The following GARNL3 variants were observed in gnomAD, a reference collection of about 807,000 sequenced individuals.
The protein encoded by GARNL3 is GTPase-activating Rap/Ran-GAP domain-like protein 3.
A neutral mutation model predicts 125.0 loss-of-function variants in GARNL3; 63 were observed. That is an observed-to-expected ratio of 0.50 (90% CI 0.41 to 0.62). The LOEUF (loss-of-function observed/expected upper bound fraction) is 0.62, where lower values mean the gene tolerates loss of function less well. Among genes scored for constraint, GARNL3 ranks in the 20% least tolerant of loss-of-function variants. The pLI is 0.00. For synonymous variants in GARNL3, 439 were observed against 457.5 expected (o/e 0.96, Z 0.52); for missense variants, 994 against 1,244.0 (o/e 0.80, Z 3.02).
intron 6 of GARNL3, among the ~76,000 whole-genome samples, chr9:127,324,722 A>T (rs2065511981): frequency 6.6e-6 from 1 of 152,230 alleles, no homozygotes; most frequent in African/African-American, 2.4e-5. Context: ...GCTGACAGTG[A>T]TCTTCACAGG....
chr9:127,361,552 A>G, intron 21 of GARNL3, among the ~76,000 whole-genome samples: 1 of 152,224 alleles, frequency 6.6e-6, no homozygotes, highest in Non-Finnish European at 1.5e-5. Context: ...ATCAAAGCAT[A>G]AAATAGATCT....
chr9:127,303,465 G>A (rs1381691423), intron 2 of GARNL3, among the ~76,000 whole-genome samples: 2 of 152,058 alleles, frequency 1.3e-5, no homozygotes, highest in Non-Finnish European at 2.9e-5. Context: ...GAAAGAAAAA[G>A]ATTTTAACCT....
chr9:127,264,579 A>T, upstream of GARNL3: 2 of 1,063,210 alleles, frequency 1.9e-6, no homozygotes, highest in Non-Finnish European at 2.3e-6. Flanking sequence ...GATCCGGTTC[A>T]GCAGCTTTGT....
chr9:127,381,059 G>C (rs1564196836), intron 22 of GARNL3, among the ~76,000 whole-genome samples: 1 of 151,904 alleles, frequency 6.6e-6, no homozygotes, highest in African/African-American at 2.4e-5. Flanking sequence ...TTGTATTTTT[G>C]GTAGAGATAG....
intron 12 of GARNL3, among the ~76,000 whole-genome samples, chr9:127,338,558 A>G (rs947918679): frequency 1.3e-5 from 2 of 152,260 alleles, no homozygotes; most frequent in African/African-American, 4.8e-5. Flanking sequence ...TCCCAGTTCT[A>G]TCATTTATTT....
chr9:127,311,655 G>A lies in GARNL3; in HGVS notation c.239G>A (p.Gly80Asp). 6.2e-7 allele frequency: 1 copy of A among 1,613,760 alleles called. No individual in the cohort carries two copies. Among genetic ancestry groups the A allele is most frequent in the South Asian group, 1.1e-5 (1 of 91,064 alleles). The change falls in exon 3 of 28, where the codon GGT becomes GAT. Residue 80 changes from glycine to aspartate, a missense_variant. Physicochemically the swap from Gly to Asp is moderately conservative, Grantham distance 94 (BLOSUM62 -1). This residue lies in a region of GARNL3 where 139 missense variants were observed against 231.6 expected (regional missense o/e 0.60). Transcript: ENST00000373387. ...TTACAGAATGCAACTGCCCTGCCTG[G>A]TACTTGGCGAAGAACAGACGTGCAC... is the stretch of plus-strand genomic sequence containing the variant. ...SSDENATALPGTWRRTDVHLE... is the reference protein window; with the variant it reads ...SSDENATALPDTWRRTDVHLE...
rs1830085002 is a variant in GARNL3, at chr9:127,345,438, T to G, written c.1392T>G (p.Ala464=). The G allele has an allele frequency of 6.2e-7, 1 of 1,607,824 alleles. No homozygotes were observed. Residue 464 remains alanine, a synonymous_variant, in exon 16 of 28, where the codon GCT becomes GCG. Coordinates refer to ENST00000373387, the MANE Select transcript of GARNL3 (RefSeq NM_032293.5). ...TGAAATCCATTGTGAGAGGGGATGC[T>G]CCATCAAGCTTGGCAGCTTCAGGGA... ...LKLKSIVRGD[A]PSSLAASGIC...
chr9:127,327,907 CG>C (rs1201112893), intron 7 of GARNL3, among the ~76,000 whole-genome samples: 7 of 152,136 alleles, frequency 4.6e-5, no homozygotes, highest in African/African-American at 1.7e-4. Flanking sequence ...ATGTTTGTTA[CG>C]TTTTATATAA....
At position 127,280,162 on chromosome 9, in the gene GARNL3, G is replaced by C. The variant is rs770224131; in HGVS notation, c.145-11006G>C. On this transcript the variant is annotated intron_variant, in intron 1 of 27. Coordinates refer to ENST00000373387, the MANE Select transcript of GARNL3 (RefSeq NM_032293.5). The surrounding 1 kb of genome is among the most constrained non-coding windows in gnomAD (Gnocchi z 4.5). Reference sequence around the variant, plus strand: ...GCCAGCTGTCTAGATCAAAAAACAGGATGCAGATTGTGAAGAGGTTAAATC... The same window carrying C: ...GCCAGCTGTCTAGATCAAAAAACAGCATGCAGATTGTGAAGAGGTTAAATC... Among the ~76,000 whole-genome samples, 1 of 152,198 alleles carries C rather than the reference G, an allele frequency of 6.6e-6. No homozygotes were observed. Among genetic ancestry groups the C allele is most frequent in the Non-Finnish European group, 1.5e-5 (1 of 68,036 alleles).
chr9:127,388,916 CA>C lies in GARNL3; in HGVS notation c.2546del (p.Asn849IlefsTer19). 6.2e-7 allele frequency: 1 copy of C among 1,601,566 alleles called. No homozygotes were observed. The highest frequency in any genetic ancestry group is 8.6e-7 in the Non-Finnish European group (1 of 1,168,608). On this transcript the variant is annotated frameshift_variant, in exon 26 of 28. Coordinates refer to ENST00000373387, the MANE Select transcript of GARNL3 (RefSeq NM_032293.5). LOFTEE classifies it high-confidence loss of function. ...AATCACATTTCAGGTGAAATTCAAT[CA>C]AAAAATCTGTACAAGATTCCACTTA... Reference protein sequence around the residue: ...PSSLGEGEIQSKNLYKIPLRN... With the variant: ...PSSLGEGEIQXKNLYKIPLRN...
chr9:127,372,123 ACATT>A (rs372030098), intron 22 of GARNL3, among the ~76,000 whole-genome samples: 15 of 152,266 alleles, frequency 9.9e-5, no homozygotes, highest in South Asian at 6.2e-4. Context: ...TCCATACCTC[ACATT>A]CATTCATTCA....
chr9:127,344,125 AG>A (rs1374734212), intron 14 of GARNL3, 109 bp from the exon 15 acceptor site: 3 of 745,132 alleles, frequency 4.0e-6, no homozygotes, highest in Non-Finnish European at 6.9e-6. Flanking sequence ...TGAATGAAAC[AG>A]AAGGTAGAAA....
chr9:127,387,372 C>G (rs1475788217), intron 25 of GARNL3, 41 bp downstream of exon 25: 1 of 1,549,028 alleles, frequency 6.5e-7, no homozygotes, highest in African/African-American at 1.4e-5. Flanking sequence ...ATTTGTAATT[C>G]ACTCTAATTT....
Position 127,318,142 on chromosome 9 carries a change from G to T in GARNL3, c.503+15G>T, listed in dbSNP as rs760915417. ...TCCATCTTAAGGTGAGTTCTAATGGGTAGAAACCCCACACATGGATTTGGA... is the reference window on the plus strand; with the variant it reads ...TCCATCTTAAGGTGAGTTCTAATGGTTAGAAACCCCACACATGGATTTGGA... On this transcript the variant is annotated intron_variant, in intron 5 of 27. Coordinates refer to ENST00000373387, the MANE Select transcript of GARNL3 (RefSeq NM_032293.5). The T allele has an allele frequency of 3.2e-5, 48 of 1,503,816 alleles. No homozygotes were observed. The East Asian group carries it at 1.0e-3, about 32-fold the overall frequency. 93.2% of individuals were successfully genotyped at this position (1,503,816 alleles called of 1,614,324 possible). A position where few individuals can be genotyped will look rare whatever the true frequency, so the allele number is the denominator to read the frequency against.
chr9:127,333,874 A>G (rs1041179260), intron 9 of GARNL3, among the ~76,000 whole-genome samples: 4 of 152,106 alleles, frequency 2.6e-5, no homozygotes, highest in African/African-American at 9.7e-5. Flanking sequence ...AGGGGTTTCA[A>G]GTAGGGGAGT....
At chr9:127,346,795 C>T (rs1564163682) in intron 16 of GARNL3, among the ~76,000 whole-genome samples, 2 of 152,194 alleles carry the variant, frequency 1.3e-5, no homozygotes, top group Non-Finnish European at 2.9e-5. Context: ...CCCAAGTGTT[C>T]TGTGCCCAGA....
chr9:127,371,196 A>G (rs944123329), intron 22 of GARNL3, among the ~76,000 whole-genome samples: 2 of 151,818 alleles, frequency 1.3e-5, no homozygotes, highest in African/African-American at 4.9e-5. Flanking sequence ...GTCACTCCTC[A>G]CCTGGTCGGT....
chr9:127,251,856 A>G (rs1336549955), intron 2 of GARNL3, among the ~76,000 whole-genome samples: 1 of 152,180 alleles, frequency 6.6e-6, no homozygotes, highest in African/African-American at 2.4e-5. Context: ...TATCTGCCTA[A>G]AAGCAGGGCA....
chr9:127,326,108 T>G (rs2065563819), intron 7 of GARNL3, among the ~76,000 whole-genome samples: 1 of 152,230 alleles, frequency 6.6e-6, no homozygotes, highest in Non-Finnish European at 1.5e-5. Context: ...GTCCCCCAGA[T>G]GTCCTCACTT....
Sources: gnomAD v4.1 joint callset for allele counts (sites outside exome capture counted in the v4.1 genomes callset) on GRCh38, gnomAD v4.1.1 for gene constraint, gnomAD v4.1.1 regional missense constraint, Gnocchi (gnomAD v3.1) non-coding constraint, MANE v1.5 for transcripts, NCBI Gene and HGNC (gene_info 2026-07-23, HGNC 2026-07-21) for gene names.